OR2L13: variants seen among roughly 807,000 people sequenced by gnomAD.
The protein encoded by OR2L13 is olfactory receptor family 2 subfamily L member 13.
In OR2L13, 14 loss-of-function variants were observed where a neutral mutation model predicts 15.3. The ratio of observed to expected loss-of-function variants is 0.91; its 90% CI spans 0.60 to 1.43. OR2L13 has a LOEUF of 1.43. OR2L13 is among the 40% of genes most tolerant of loss of function. OR2L13 has a pLI of 0.00. For synonymous variants in OR2L13, 152 were observed against 142.9 expected, an observed-to-expected ratio of 1.06 and a Z score of -0.45; for missense variants, 367 against 387.9, an observed-to-expected ratio of 0.95 and a Z score of 0.45.
the OR2L13 span, among the ~76,000 whole-genome samples, chr1:248,010,325 A>G: frequency 6.6e-6 from 1 of 152,130 alleles, no homozygotes; most frequent in Non-Finnish European, 1.5e-5. Context: ...GCATTTGCTG[A>G]GGAGTGTTTT....
chr1:248,004,587 G>A, the OR2L13 span, among the ~76,000 whole-genome samples: 2 of 152,164 alleles, frequency 1.3e-5, no homozygotes, highest in Non-Finnish European at 1.5e-5. Flanking sequence ...GAGCTCGTCA[G>A]GGATTCTTAA....
At chr1:248,039,048 C>T in the OR2L13 span, 4 of 1,614,092 alleles carry the variant, frequency 2.5e-6, no homozygotes, top group East Asian at 4.5e-5. Flanking sequence ...CTATGTACGT[C>T]CAAGATCCCT....
At chr1:248,024,228 A>C in the OR2L13 span, 2 of 152,250 alleles carry the variant, frequency 1.3e-5, no homozygotes, top group Non-Finnish European at 2.9e-5. Flanking sequence ...AAGAATTTGT[A>C]ATGATAGCCA....
chr1:248,025,337 CA>C, the OR2L13 span, among the ~76,000 whole-genome samples: 1 of 147,518 alleles, frequency 6.8e-6, no homozygotes, highest in African/African-American at 2.6e-5. Context: ...AGCCAAAAAA[CA>C]CATGAAAAAA....
the OR2L13 span, among the ~76,000 whole-genome samples, chr1:248,048,451 G>C: frequency 0.039 from 6,009 of 152,236 alleles, 394 homozygotes; most frequent in African/African-American, 0.14. Flanking sequence ...ATCTCCTGTA[G>C]GATTCCATGC....
the OR2L13 span, among the ~76,000 whole-genome samples, chr1:248,046,647 C>T: frequency 6.6e-6 from 1 of 152,288 alleles, no homozygotes; most frequent in East Asian, 1.9e-4. Flanking sequence ...TCTCACTGGA[C>T]AATCCCCAGT....
the OR2L13 span, among the ~76,000 whole-genome samples, chr1:248,005,896 A>G: frequency 1.3e-5 from 2 of 152,180 alleles, no homozygotes; most frequent in Non-Finnish European, 2.9e-5. Context: ...GAATCAGAGT[A>G]AGTCTTTGTT....
At chr1:248,012,045 A>G in the OR2L13 span, among the ~76,000 whole-genome samples, 1 of 152,126 alleles carries the variant, frequency 6.6e-6, no homozygotes, top group Non-Finnish European at 1.5e-5. Context: ...AAAAATATAA[A>G]CCAAACAGCT....
the OR2L13 span, among the ~76,000 whole-genome samples, chr1:248,047,571 G>T: frequency 3.3e-4 from 50 of 152,072 alleles, no homozygotes; most frequent in Non-Finnish European, 6.6e-4. Flanking sequence ...GTTTTTACAC[G>T]CAACTTGATC....
the OR2L13 span, among the ~76,000 whole-genome samples, chr1:248,067,914 A>C: frequency 6.6e-6 from 1 of 152,232 alleles, no homozygotes; most frequent in Non-Finnish European, 1.5e-5. Context: ...GTCTGAGATC[A>C]AACTGCAAGG....
the OR2L13 span, among the ~76,000 whole-genome samples, chr1:248,036,977 C>T: frequency 6.6e-6 from 1 of 152,088 alleles, no homozygotes; most frequent in Admixed American, 6.6e-5. Context: ...GAATATACAT[C>T]GTATACGGGG....
chr1:247,983,364 AT>A, the OR2L13 span, among the ~76,000 whole-genome samples: 1 of 152,190 alleles, frequency 6.6e-6, no homozygotes, highest in South Asian at 2.1e-4. Flanking sequence ...CCTACTCACT[AT>A]GAAACCATCA....
At chr1:247,959,563 G>A in the OR2L13 span, among the ~76,000 whole-genome samples, 1 of 151,702 alleles carries the variant, frequency 6.6e-6, no homozygotes, top group African/African-American at 2.4e-5. Flanking sequence ...CATTCTCCTC[G>A]TCACTTTCAG....
the OR2L13 span, among the ~76,000 whole-genome samples, chr1:248,077,401 A>C: frequency 6.6e-6 from 1 of 152,188 alleles, no homozygotes; most frequent in Non-Finnish European, 1.5e-5. Context: ...TGATTGGAAC[A>C]GTTTCAGAAG....
the OR2L13 span, among the ~76,000 whole-genome samples, chr1:247,969,411 T>C: frequency 1.3e-5 from 2 of 152,204 alleles, no homozygotes; most frequent in East Asian, 1.9e-4. Flanking sequence ...AGTCATGAAG[T>C]CTTCATGGGA....
the OR2L13 span, chr1:248,013,660 CTT>C: frequency 6.6e-6 from 1 of 152,070 alleles, no homozygotes; most frequent in African/African-American, 2.4e-5. Flanking sequence ...AGAAAAATGA[CTT>C]TGTTCATATG....
At chr1:247,940,751 TGTGTGC>T in the OR2L13 span, among the ~76,000 whole-genome samples, 349 of 151,060 alleles carry the variant, frequency 2.3e-3, 1 homozygote, top group East Asian at 7.2e-3. Flanking sequence ...TGTGTGTGTG[TGTGTGC>T]GCGCGCTAAG....
At chr1:248,063,887 T>C in the OR2L13 span, among the ~76,000 whole-genome samples, 1 of 152,362 alleles carries the variant, frequency 6.6e-6, no homozygotes, top group East Asian at 1.9e-4. Context: ...TGTAGTCATT[T>C]CTACTGGACC....
the OR2L13 span, chr1:248,038,851 A>C: frequency 6.2e-7 from 1 of 1,614,176 alleles, no homozygotes; most frequent in Non-Finnish European, 8.5e-7. Flanking sequence ...TGGGTCTATG[A>C]GAGCACAGTG....
Sources: allele counts gnomAD v4.1 joint callset (sites outside exome capture counted in the v4.1 genomes callset), GRCh38; gene constraint gnomAD v4.1.1; transcripts MANE v1.5; gene names NCBI Gene and HGNC (gene_info 2026-07-23, HGNC 2026-07-21).